Variants in LCORL observed in about 807,000 individuals in gnomAD.
The protein encoded by LCORL is ligand dependent nuclear receptor corepressor like, also known as ligand-dependent nuclear receptor corepressor-like protein.
LCORL carries 41 observed loss-of-function variants against 141.8 expected under a neutral mutation model. The observed-to-expected ratio is 0.29, with a 90% CI of 0.23 to 0.38. The LOEUF (loss-of-function observed/expected upper bound fraction) is 0.38. LCORL is among the 10% of genes least tolerant of loss of function. LCORL has a pLI of 1.00. For missense variants in LCORL, 1,759 were observed against 2,035.0 expected (o/e 0.86, Z 2.61); for synonymous variants, 618 against 694.1 (o/e 0.89, Z 1.72).
intron 7 of LCORL, among the ~76,000 whole-genome samples, chr4:17,870,358 CA>C (rs1726199209): frequency 6.6e-6 from 1 of 152,144 alleles, no homozygotes; most frequent in Non-Finnish European, 1.5e-5. Context: ...ACATCGTTTG[CA>C]ACTGCCTGAA....
chr4:17,994,284 A>G (rs1720537618), intron 1 of LCORL, among the ~76,000 whole-genome samples: 1 of 152,130 alleles, frequency 6.6e-6, no homozygotes, highest in South Asian at 2.1e-4. Flanking sequence ...ATAATATTCC[A>G]TATTTCAGTA....
rs77401679 is a variant in LCORL at position 17,962,221 on chromosome 4, T to A, written c.301-189A>T. Among the ~76,000 whole-genome samples the A allele has an allele frequency of 4.1e-4, 60 of 147,778 alleles. No individual in the cohort carries two copies. In the East Asian group the frequency reaches 0.011, roughly 28 times the overall value. On this transcript the variant is annotated intron_variant, in intron 3 of 7. Coordinates refer to ENST00000635767, the Ensembl canonical transcript of LCORL. The stretch of plus-strand genomic sequence containing the variant: ...AAAAAGAAATAGCTCTGATAGAGAG[T>A]CAAAATAACCTTATTCCTTAGCAAA...
At chr4:17,914,251 A>G (rs1018111547) in intron 4 of LCORL, among the ~76,000 whole-genome samples, 2 of 152,154 alleles carry the variant, frequency 1.3e-5, no homozygotes, top group Non-Finnish European at 2.9e-5. Context: ...CTTGCTTTGT[A>G]TTATGTATTT....
In LCORL at chr4:17,856,231, T is replaced by C. The variant is rs571982557; in HGVS notation, c.5603-10330A>G. Among the ~76,000 whole-genome samples, 5 of 152,352 alleles carry C rather than the reference T, an allele frequency of 3.3e-5. No homozygotes were observed. In the South Asian group the frequency reaches 1.0e-3, roughly 32 times the overall value. ...ATATTGCTGACCATTTCTTCTGCTATGGACTTGAGTTTCTCCTAAATTCAT... is the reference window on the plus strand; with the variant it reads ...ATATTGCTGACCATTTCTTCTGCTACGGACTTGAGTTTCTCCTAAATTCAT... On this transcript the variant is annotated intron_variant, in intron 7 of 7. Transcript: ENST00000635767.
In LCORL at chr4:18,011,095, C is replaced by G. The variant is rs1577729596; in HGVS notation, c.154+10503G>C. Among the ~76,000 whole-genome samples, 5 of 152,258 alleles carry G rather than the reference C, an allele frequency of 3.3e-5. 1 individual carries two copies. Among genetic ancestry groups the G allele is most frequent in the Admixed American group, 3.3e-4 (5 of 15,294 alleles). On this transcript the variant is annotated intron_variant, in intron 1 of 7. Coordinates refer to ENST00000635767, the Ensembl canonical transcript of LCORL. ...TATTCAGCTCTGCTTCTCTACTGAGCCTAGGACTGGATGGATAAGTCAGCC... is the reference window on the plus strand; with the variant it reads ...TATTCAGCTCTGCTTCTCTACTGAGGCTAGGACTGGATGGATAAGTCAGCC...
rs78596589 is a variant in LCORL, at chr4:17,997,823, T to C, written c.154+23775A>G. Among the ~76,000 whole-genome samples the C allele has an allele frequency of 1.2e-3, 181 of 152,180 alleles. 1 individual carries two copies. Among genetic ancestry groups the C allele is most frequent in the African/African-American group, 3.9e-3 (164 of 41,536 alleles). On this transcript the variant is annotated intron_variant, in intron 1 of 7. Coordinates refer to ENST00000635767, the Ensembl canonical transcript of LCORL. ...ACAATGGTTAAAACAAAGATGAAAA[T>C]TTTAATTTCAGAGAAGACAAATTCA...
chr4:17,919,747 G>A (rs543920883), intron 4 of LCORL, among the ~76,000 whole-genome samples: 1 of 152,192 alleles, frequency 6.6e-6, no homozygotes, highest in Non-Finnish European at 1.5e-5. Flanking sequence ...GGTCTCAGGA[G>A]CAGGCCCCAG....
chr4:17,881,973 T>C (rs931049971), intron 6 of LCORL: 5 of 978,344 alleles, frequency 5.1e-6, no homozygotes, highest in East Asian at 2.4e-4. Context: ...GTATATTTTC[T>C]TGGGGTGAAA....
intron 1 of LCORL, among the ~76,000 whole-genome samples, chr4:17,999,454 A>G (rs1248909361): frequency 7.1e-6 from 1 of 140,148 alleles, no homozygotes; most frequent in Admixed American, 7.1e-5. Context: ...TCCGTCTCAC[A>G]AAAAAAAAAA....
intron 1 of LCORL, among the ~76,000 whole-genome samples, chr4:18,004,097 T>C (rs1722408878): frequency 6.6e-6 from 1 of 152,226 alleles, no homozygotes; most frequent in Admixed American, 6.5e-5. Flanking sequence ...TTGCTTTCTC[T>C]GGGAAGTATT....
At chr4:17,930,502 T>C (rs1303540712) in intron 4 of LCORL, among the ~76,000 whole-genome samples, 1 of 152,232 alleles carries the variant, frequency 6.6e-6, no homozygotes, top group East Asian at 1.9e-4. Context: ...GATTTAAACC[T>C]AGGATATATG....
intron 1 of LCORL, among the ~76,000 whole-genome samples, chr4:17,992,015 C>A (rs1229558261): frequency 6.6e-6 from 1 of 151,870 alleles, no homozygotes; most frequent in Non-Finnish European, 1.5e-5. Context: ...GACAAGTAAT[C>A]ATACTATAAA....
intron 5 of LCORL, among the ~76,000 whole-genome samples, chr4:17,894,554 G>A (rs546853835): frequency 6.6e-6 from 1 of 152,256 alleles, no homozygotes; most frequent in African/African-American, 2.4e-5. Flanking sequence ...TTTTCAAGAT[G>A]AGTAAAAAGA....
At chr4:17,934,962 T>C (rs909630482) in intron 4 of LCORL, among the ~76,000 whole-genome samples, 5 of 152,178 alleles carry the variant, frequency 3.3e-5, no homozygotes, top group African/African-American at 9.7e-5. Context: ...TTACCCACTA[T>C]GTAACTAACT....
intron 4 of LCORL, among the ~76,000 whole-genome samples, chr4:17,920,232 G>GT: frequency 6.6e-6 from 1 of 152,326 alleles, no homozygotes; most frequent in East Asian, 1.9e-4. Flanking sequence ...CACCCAGGTA[G>GT]TAAGCACTGC....
chr4:17,912,532 C>T (rs537510984), intron 4 of LCORL: 15 of 478,048 alleles, frequency 3.1e-5, no homozygotes, highest in South Asian at 2.3e-4. Flanking sequence ...AGGAGAGCAC[C>T]ACAGTCATCA....
At chr4:17,976,138 T>A (rs1025632594) in intron 1 of LCORL, among the ~76,000 whole-genome samples, 3 of 152,238 alleles carry the variant, frequency 2.0e-5, no homozygotes, top group Admixed American at 1.3e-4. Context: ...TGTTTAACTT[T>A]TAACCTGTCT....
At chr4:17,984,273 C>T (rs915685661) in intron 1 of LCORL, among the ~76,000 whole-genome samples, 1 of 152,082 alleles carries the variant, frequency 6.6e-6, no homozygotes, top group African/African-American at 2.4e-5. Flanking sequence ...CAGGATGATG[C>T]TGGCCTCATA....
rs1322951323 is a variant in LCORL, at chr4:18,021,510, T to C, written c.154+88A>G. ...CCACCGAACTAACCCGAACGGGAGA[T>C]TCAACTAAACCCCTCAGCCACAAAC... On this transcript the variant is annotated intron_variant, in intron 1 of 7. Coordinates refer to ENST00000635767, the Ensembl canonical transcript of LCORL. The surrounding 1 kb of genome is among the most constrained non-coding windows in gnomAD (Gnocchi z 5.5). The C allele has an allele frequency of 6.1e-6, 7 of 1,156,418 alleles. No homozygotes were observed. The highest frequency in any genetic ancestry group is 7.1e-6 in the Non-Finnish European group (6 of 849,234). 71.6% of individuals were successfully genotyped at this position (1,156,418 alleles called of 1,614,324 possible). A position where few individuals can be genotyped will look rare whatever the true frequency, so the allele number is the denominator to read the frequency against.
Sources: allele counts gnomAD v4.1 joint callset (sites outside exome capture counted in the v4.1 genomes callset), GRCh38; gene constraint gnomAD v4.1.1; non-coding constraint Gnocchi (gnomAD v3.1); transcripts MANE v1.5; gene names NCBI Gene and HGNC (gene_info 2026-07-23, HGNC 2026-07-21).